SPACA7: variants seen among roughly 807,000 people sequenced by gnomAD.
The protein encoded by SPACA7 is sperm acrosome associated 7, also known as sperm acrosome-associated protein 7.
A neutral mutation model predicts 26.3 loss-of-function variants in SPACA7; 19 were observed. The observed-to-expected ratio is 0.72, with a 90% CI of 0.50 to 1.06. SPACA7 has a LOEUF of 1.06. Among genes scored for constraint, SPACA7 ranks in the 50% least tolerant of loss-of-function variants. The probability of loss-of-function intolerance (pLI) is 0.00; values close to 1 mark genes in which losing one functional copy is unlikely to be tolerated. For synonymous variants in SPACA7, 84 were observed against 84.5 expected, an observed-to-expected ratio of 0.99 and a Z score of 0.04; for missense variants, 211 against 229.9, an observed-to-expected ratio of 0.92 and a Z score of 0.53.
At chr13:112,432,340 C>T (rs1877238024) in intron 5 of SPACA7, 104 bp from the exon 6 acceptor site, 3 of 887,024 alleles carry the variant, frequency 3.4e-6, no homozygotes, top group Non-Finnish European at 5.5e-6. Context: ...TGCGTGGGTG[C>T]TGCTTTGCTC....
intron 1 of SPACA7, chr13:112,382,501 C>A (rs1343510612): frequency 1.9e-6 from 3 of 1,550,402 alleles, no homozygotes; most frequent in Admixed American, 3.9e-5. Flanking sequence ...TGGGAATGAA[C>A]CCCAAGGTGA....
chr13:112,395,139 G>A (rs1337245858), intron 2 of SPACA7, among the ~76,000 whole-genome samples: 2 of 152,210 alleles, frequency 1.3e-5, no homozygotes, highest in East Asian at 3.9e-4. Flanking sequence ...GAGTCAGGCA[G>A]GGGATGGGGC....
intron 5 of SPACA7, among the ~76,000 whole-genome samples, chr13:112,413,692 C>T (rs1886499722): frequency 6.6e-6 from 1 of 152,104 alleles, no homozygotes; most frequent in African/African-American, 2.4e-5. Context: ...ATATTTTTCT[C>T]TACTCCTTAA....
At position 112,418,265 on chromosome 13, in the gene SPACA7, G is replaced by A. The variant is rs76055905; in HGVS notation, c.446-14179G>A. ...TTAAAATCCAGAGCAGTAAGTTACA[G>A]ATCTAATTGCAGAACAATCCTCAAC... On this transcript the variant is annotated intron_variant, in intron 5 of 6. Transcript: ENST00000283550. Among the ~76,000 whole-genome samples the A allele has an allele frequency of 4.4e-4, 67 of 152,346 alleles. No homozygotes were observed. The East Asian group carries it at 0.012, about 28-fold the overall frequency.
At chr13:112,386,657 A>T (rs7489669) in intron 1 of SPACA7, among the ~76,000 whole-genome samples, 19,617 of 152,126 alleles carry the variant, frequency 0.13, 1,600 homozygotes, top group South Asian at 0.34. Context: ...GAGAAGAAAA[A>T]TAAACTTTTT....
intron 5 of SPACA7, among the ~76,000 whole-genome samples, chr13:112,411,491 T>G (rs1420276406): frequency 6.6e-6 from 1 of 152,150 alleles, no homozygotes; most frequent in Non-Finnish European, 1.5e-5. Flanking sequence ...CAATAACATA[T>G]TGTTAACTGT....
At chr13:112,397,495 C>T (rs1458668419) in intron 2 of SPACA7, among the ~76,000 whole-genome samples, 1 of 152,198 alleles carries the variant, frequency 6.6e-6, no homozygotes, top group African/African-American at 2.4e-5. Context: ...GACAGGAAAC[C>T]AAAGCTCAGA....
intron 5 of SPACA7, among the ~76,000 whole-genome samples, chr13:112,405,345 T>G (rs1885918865): frequency 6.6e-6 from 1 of 152,172 alleles, no homozygotes; most frequent in Admixed American, 6.5e-5. Context: ...AAGTGTTTAG[T>G]GCTGTGTTTC....
chr13:112,433,532 G>C (rs1877404303), intron 6 of SPACA7, among the ~76,000 whole-genome samples: 1 of 151,760 alleles, frequency 6.6e-6, no homozygotes, highest in South Asian at 2.1e-4. Context: ...GTTGGCTGCT[G>C]CTCCCAGCCC....
At chr13:112,431,643 G>A (rs893602888) in intron 5 of SPACA7, among the ~76,000 whole-genome samples, 4 of 152,200 alleles carry the variant, frequency 2.6e-5, no homozygotes, top group Non-Finnish European at 4.4e-5. Flanking sequence ...TTATTCATGC[G>A]TTCACAAAAT....
chr13:112,404,077 T>A (rs1435602015), intron 5 of SPACA7, among the ~76,000 whole-genome samples: 5 of 152,136 alleles, frequency 3.3e-5, no homozygotes, highest in Non-Finnish European at 7.4e-5. Context: ...CACATCCACA[T>A]CACCATCTAT....
intron 5 of SPACA7, among the ~76,000 whole-genome samples, chr13:112,430,285 G>A (rs191476173): frequency 5.0e-4 from 76 of 151,876 alleles, no homozygotes; most frequent in Non-Finnish European, 9.0e-4. Context: ...TGGGCTCTGC[G>A]TAAGTTCTCA....
rs1877250153 is a variant in SPACA7 at position 112,432,427 on chromosome 13, T to C, written c.446-17T>C. The C allele has an allele frequency of 6.3e-7, 1 of 1,576,702 alleles. No individual in the cohort carries two copies. The highest frequency in any genetic ancestry group is 8.7e-7 in the Non-Finnish European group (1 of 1,146,130). Reference sequence around the variant, plus strand: ...ATTTACAAAGAGTGATCATTGTACTTATTGTTTTCCCCACAGAAAAGAATT... The same window carrying C: ...ATTTACAAAGAGTGATCATTGTACTCATTGTTTTCCCCACAGAAAAGAATT... On this transcript the variant is annotated splice_polypyrimidine_tract_variant and intron_variant, in intron 5 of 6. Transcript: ENST00000283550.
chr13:112,377,731 G>A (rs1014218164), intron 1 of SPACA7, among the ~76,000 whole-genome samples: 2 of 152,156 alleles, frequency 1.3e-5, no homozygotes, highest in African/African-American at 2.4e-5. Flanking sequence ...AAGGAGCGAG[G>A]CTTTCTCATT....
intron 5 of SPACA7, among the ~76,000 whole-genome samples, chr13:112,417,094 G>GTT (rs1886742542): frequency 6.6e-6 from 1 of 151,780 alleles, no homozygotes; most frequent in African/African-American, 2.4e-5. Flanking sequence ...GAAATCTAAT[G>GTT]GTTTTACTGG....
chr13:112,430,646 C>T (rs1202155648), intron 5 of SPACA7, among the ~76,000 whole-genome samples: 1 of 152,166 alleles, frequency 6.6e-6, no homozygotes, highest in Non-Finnish European at 1.5e-5. Flanking sequence ...CCGCATACAG[C>T]CTCAGTGCCC....
chr13:112,380,077 C>G lies in SPACA7; in HGVS notation c.94+3598C>G, dbSNP rs374073026. On this transcript the variant is annotated intron_variant, in intron 1 of 6. Coordinates refer to ENST00000283550, the MANE Select transcript of SPACA7 (RefSeq NM_145248.5). ...ACAGAATCTTTGTTTCCTAGTAAGA[C>G]TACTCAACAGGTAAGAAACAAGTAC... is the stretch of plus-strand genomic sequence containing the variant. Among the ~76,000 whole-genome samples, 18 of 152,250 alleles carry G rather than the reference C, an allele frequency of 1.2e-4. No individual in the cohort carries two copies. In the East Asian group the frequency reaches 3.1e-3, roughly 26 times the overall value.
intron 5 of SPACA7, among the ~76,000 whole-genome samples, chr13:112,430,176 G>GTGTGTGTA (rs1555330879): frequency 7.9e-6 from 1 of 126,594 alleles, no homozygotes; most frequent in East Asian, 2.0e-4. Context: ...CTCTCTCTCT[G>GTGTGTGTA]TGTGTGTGTG....
At chr13:112,398,919 A>T in intron 3 of SPACA7, 147 bp from the exon 4 acceptor site, 2 of 631,890 alleles carry the variant, frequency 3.2e-6, no homozygotes, top group Non-Finnish European at 5.6e-6. Context: ...TTACACCTTC[A>T]CTTACCAACG....
Sources: allele counts gnomAD v4.1 joint callset (sites outside exome capture counted in the v4.1 genomes callset), GRCh38; gene constraint gnomAD v4.1.1; transcripts MANE v1.5; gene names NCBI Gene and HGNC (gene_info 2026-07-23, HGNC 2026-07-21).